Variants in EVI5 observed in about 807,000 individuals in gnomAD.
EVI5 encodes the protein ecotropic viral integration site 5 protein homolog.
In EVI5, 73 loss-of-function variants were observed where a neutral mutation model predicts 112.0. That is an observed-to-expected ratio of 0.65 (90% confidence interval 0.54 to 0.79). The LOEUF (loss-of-function observed/expected upper bound fraction) is 0.79, where lower values mean the gene tolerates loss of function less well. EVI5 is among the 30% of genes least tolerant of loss of function. EVI5 has a pLI of 0.00. For missense variants in EVI5, 900 were observed against 968.8 expected (o/e 0.93, Z 0.94); for synonymous variants, 305 against 319.9 (o/e 0.95, Z 0.50).
At chr1:92,667,732 C>T (rs1400727780) in intron 10 of EVI5, among the ~76,000 whole-genome samples, 1 of 152,178 alleles carries the variant, frequency 6.6e-6, no homozygotes, top group Admixed American at 6.5e-5. Context: ...TCTCCTGACT[C>T]AGCCTCCTGA....
chr1:92,725,027 A>G (rs1186255280), intron 2 of EVI5, among the ~76,000 whole-genome samples: 1 of 152,180 alleles, frequency 6.6e-6, no homozygotes, highest in Non-Finnish European at 1.5e-5. Flanking sequence ...ATTGCAAGTC[A>G]GATAAACCAT....
At chr1:92,784,805 G>A (rs1432645861) in intron 1 of EVI5, 31 bp downstream of exon 1, 23 of 984,728 alleles carry the variant, frequency 2.3e-5, no homozygotes, top group Non-Finnish European at 2.8e-5. Flanking sequence ...CCGGCCTCCC[G>A]GCCCGCCCGG....
intron 19 of EVI5, among the ~76,000 whole-genome samples, chr1:92,552,461 T>C (rs1667089425): frequency 6.6e-6 from 1 of 152,196 alleles, no homozygotes; most frequent in African/African-American, 2.4e-5. Context: ...CTTTTCCACT[T>C]TTCCCCACCA....
chr1:92,562,682 C>A (rs897162528), intron 19 of EVI5, among the ~76,000 whole-genome samples: 3 of 40,406 alleles, frequency 7.4e-5, no homozygotes, highest in African/African-American at 5.3e-4. Flanking sequence ...CTAAGATTTA[C>A]TGTTTTTGTT....
chr1:92,620,449 G>C (rs1422132645), intron 16 of EVI5, among the ~76,000 whole-genome samples: 1 of 142,154 alleles, frequency 7.0e-6, no homozygotes, highest in Non-Finnish European at 1.5e-5. Flanking sequence ...AAAAAAAAGA[G>C]AGAAAAAAAA....
rs200063630 is a variant in EVI5, at chr1:92,513,510, AATATATATATATATAT to A, written c.*130_*145del. Reference sequence around the variant, plus strand: ...GATAAAAAGGCAGATAAGACTGTAAAATATATATATATATATATATATATATATATATATATATATA... The same window carrying A: ...GATAAAAAGGCAGATAAGACTGTAAAATATATATATATATATATATATATA... On this transcript the variant is annotated 3_prime_UTR_variant, in exon 20 of 20. Coordinates refer to ENST00000684568, the MANE Select transcript of EVI5 (RefSeq NM_001350197.2). The A allele has an allele frequency of 2.8e-3, 478 of 172,714 alleles. 3 individuals are homozygous for A. The highest frequency in any genetic ancestry group is 4.4e-3 in the Admixed American group (53 of 12,126). 10.7% of individuals were successfully genotyped at this position (172,714 alleles called of 1,614,324 possible).
chr1:92,650,574 C>A (rs767019330), intron 13 of EVI5, among the ~76,000 whole-genome samples: 1 of 152,110 alleles, frequency 6.6e-6, no homozygotes, highest in Non-Finnish European at 1.5e-5. Flanking sequence ...TATGTTTTAA[C>A]TTTTTATCCA....
intron 19 of EVI5, among the ~76,000 whole-genome samples, chr1:92,550,264 G>A (rs993044181): frequency 1.2e-4 from 17 of 147,530 alleles, no homozygotes; most frequent in African/African-American, 3.2e-4. Context: ...GCCAAACACC[G>A]TATGTTCTCA....
intron 18 of EVI5, among the ~76,000 whole-genome samples, chr1:92,600,394 A>G (rs1648873326): frequency 4.4e-5 from 1 of 22,556 alleles, no homozygotes; most frequent in African/African-American, 2.3e-4. Flanking sequence ...GTACACATAC[A>G]ATGTAACTTT....
rs1393128437 is a variant in EVI5, at chr1:92,607,657, T to C, written c.1898A>G (p.Tyr633Cys). The change falls in exon 17 of 20, where the codon TAT becomes TGT. Residue 633 changes from tyrosine to cysteine, a missense_variant. By Grantham distance (194) the Tyr-to-Cys change is radical. Coordinates refer to ENST00000684568, the MANE Select transcript of EVI5 (RefSeq NM_001350197.2). ...EVISLQEKVQYLSAQNKGLLT... is the reference protein window; with the variant it reads ...EVISLQEKVQCLSAQNKGLLT... ...GAGTCCTTTGTTCTGTGCAGAAAGA[T>C]ACTGCACTTTCTCCTGTAGGCTAAT... The C allele has an allele frequency of 6.2e-7, 1 of 1,606,970 alleles. No individual in the cohort carries two copies. The highest frequency in any genetic ancestry group is 8.5e-7 in the Non-Finnish European group (1 of 1,176,186).
intron 9 of EVI5, among the ~76,000 whole-genome samples, chr1:92,688,130 A>G (rs1311329556): frequency 6.6e-6 from 1 of 152,170 alleles, no homozygotes; most frequent in African/African-American, 2.4e-5. Flanking sequence ...CTTGGAACCA[A>G]CCCAAATGTC....
chr1:92,771,175 T>C (rs1178922696), intron 1 of EVI5, among the ~76,000 whole-genome samples: 2 of 152,002 alleles, frequency 1.3e-5, no homozygotes, highest in African/African-American at 4.8e-5. Context: ...CTCTTCAAAG[T>C]TCTATTCTTT....
chr1:92,527,844 G>A (rs1261429148), intron 19 of EVI5, among the ~76,000 whole-genome samples: 1 of 152,136 alleles, frequency 6.6e-6, no homozygotes, highest in Non-Finnish European at 1.5e-5. Flanking sequence ...TATTGCATTT[G>A]TGATTACATC....
At chr1:92,569,197 A>C (rs1669941084) in intron 18 of EVI5, among the ~76,000 whole-genome samples, 1 of 152,212 alleles carries the variant, frequency 6.6e-6, no homozygotes, top group Non-Finnish European at 1.5e-5. Flanking sequence ...TAGATGAGGA[A>C]ACGTAAATGA....
At chr1:92,688,535 C>T (rs1040470215) in intron 9 of EVI5, among the ~76,000 whole-genome samples, 5 of 152,142 alleles carry the variant, frequency 3.3e-5, no homozygotes, top group African/African-American at 1.2e-4. Context: ...ATAGTAAGAT[C>T]TAGGTTGGGT....
intron 2 of EVI5, among the ~76,000 whole-genome samples, chr1:92,710,438 C>G (rs1030280156): frequency 1.3e-5 from 2 of 152,126 alleles, no homozygotes; most frequent in African/African-American, 4.8e-5. Flanking sequence ...AGAATTCTGA[C>G]TATCACAGAT....
chr1:92,752,778 C>T (rs1464486950), intron 1 of EVI5, among the ~76,000 whole-genome samples: 5 of 152,082 alleles, frequency 3.3e-5, no homozygotes, highest in Non-Finnish European at 5.9e-5. Flanking sequence ...TCTCAAAAGC[C>T]GGTGTCATAG....
intron 2 of EVI5, among the ~76,000 whole-genome samples, chr1:92,725,264 T>C (rs1389905133): frequency 6.6e-6 from 1 of 152,116 alleles, no homozygotes; most frequent in Non-Finnish European, 1.5e-5. Context: ...GGTAGAAAAT[T>C]ATACCTATCC....
chr1:92,790,548 C>T (rs1278376289), intron 1 of EVI5, among the ~76,000 whole-genome samples: 1 of 149,820 alleles, frequency 6.7e-6, no homozygotes, highest in Admixed American at 6.6e-5. Flanking sequence ...AATGAAGGCT[C>T]ACAATGAAAT....
Sources: gnomAD v4.1 joint callset for allele counts (sites outside exome capture counted in the v4.1 genomes callset) on GRCh38, gnomAD v4.1.1 for gene constraint, MANE v1.5 for transcripts, NCBI Gene and HGNC (gene_info 2026-07-23, HGNC 2026-07-21) for gene names.